SV2C: variants seen among roughly 807,000 people sequenced by gnomAD.
SV2C encodes the protein synaptic vesicle glycoprotein 2C.
In SV2C, 49 loss-of-function variants were observed where a neutral mutation model predicts 79.7. That is an observed-to-expected ratio of 0.61 (90% CI 0.49 to 0.78). SV2C has a LOEUF of 0.78. Ranked by LOEUF, SV2C falls within the 30% of genes least tolerant of loss-of-function variation. The pLI is 0.00. For missense variants in SV2C, 833 were observed against 912.9 expected (o/e 0.91, Z 1.13); for synonymous variants, 334 against 333.2 (o/e 1.00, Z -0.03).
At chr5:76,009,835 A>T in the SV2C span, among the ~76,000 whole-genome samples, 1 of 152,086 alleles carries the variant, frequency 6.6e-6, no homozygotes, top group African/African-American at 2.4e-5. Context: ...GATCATTTGT[A>T]CCCCAAACCT....
intron 1 of SV2C, among the ~76,000 whole-genome samples, chr5:76,120,820 A>G (rs1303995089): frequency 1.3e-5 from 2 of 150,700 alleles, no homozygotes; most frequent in East Asian, 1.9e-4. Context: ...TAGTGCCACA[A>G]TAAACATATG....
the SV2C span, among the ~76,000 whole-genome samples, chr5:75,865,064 T>C: frequency 1.3e-5 from 2 of 152,176 alleles, no homozygotes; most frequent in African/African-American, 4.8e-5. Flanking sequence ...GGCTGTGCCA[T>C]CTGCAGCACA....
chr5:76,181,804 GC>G lies in SV2C; in HGVS notation c.581-13114del, dbSNP rs1422612294. Among the ~76,000 whole-genome samples, 7 of 152,256 alleles carry G rather than the reference GC, an allele frequency of 4.6e-5. 1 individual carries two copies. The highest frequency in any genetic ancestry group is 4.6e-4 in the Admixed American group (7 of 15,294). ...GGGACAAACAGCCAAACAATATCAG[GC>G]TTTGATTGCTTTCCTTCCCCACGCA... On this transcript the variant is annotated intron_variant, in intron 2 of 12. Coordinates refer to ENST00000502798, the MANE Select transcript of SV2C (RefSeq NM_014979.4).
chr5:76,252,675 AT>A (rs1746151471), intron 4 of SV2C, among the ~76,000 whole-genome samples: 1 of 152,184 alleles, frequency 6.6e-6, no homozygotes, highest in South Asian at 2.1e-4. Context: ...GGTTTCGAAT[AT>A]TTTTCTTTTA....
the SV2C span, among the ~76,000 whole-genome samples, chr5:75,908,680 A>G: frequency 1.3e-5 from 2 of 152,122 alleles, no homozygotes; most frequent in African/African-American, 2.4e-5. Context: ...CCCTTCTTCC[A>G]TGGACATCTG....
At chr5:76,047,374 T>C in the SV2C span, among the ~76,000 whole-genome samples, 1 of 152,230 alleles carries the variant, frequency 6.6e-6, no homozygotes, top group African/African-American at 2.4e-5. Context: ...TTATTTTGTG[T>C]GTGGCTTATT....
chr5:76,009,669 G>A, the SV2C span, among the ~76,000 whole-genome samples: 1 of 152,120 alleles, frequency 6.6e-6, no homozygotes, highest in South Asian at 2.1e-4. Context: ...AAAACAAAAT[G>A]CCACGTGTTC....
chr5:75,897,388 C>T, the SV2C span, among the ~76,000 whole-genome samples: 1,955 of 150,778 alleles, frequency 0.013, 26 homozygotes, highest in Middle Eastern at 0.038. Flanking sequence ...AGATATGCGG[C>T]GTTATTTCTG....
chr5:75,858,101 C>G, the SV2C span, among the ~76,000 whole-genome samples: 34 of 152,178 alleles, frequency 2.2e-4, no homozygotes, highest in East Asian at 6.4e-3. Context: ...TTATTTCTTT[C>G]TCTTTGTCTG....
At position 76,158,273 on chromosome 5, in the gene SV2C, G is replaced by A. The variant is rs116263084; in HGVS notation, c.580+25943G>A. Among the ~76,000 whole-genome samples the A allele has an allele frequency of 9.3e-3, 1,417 of 151,746 alleles. 16 individuals are homozygous for A. The highest frequency in any genetic ancestry group is 0.032 in the African/African-American group (1,335 of 41,482). On this transcript the variant is annotated intron_variant, in intron 2 of 12. Transcript: ENST00000502798. ...AACAATCTTTAGTTAAAAACAAAAAGCAAGATTGAACTATATACTGTCTAC... is the reference window on the plus strand; with the variant it reads ...AACAATCTTTAGTTAAAAACAAAAAACAAGATTGAACTATATACTGTCTAC...
the SV2C span, among the ~76,000 whole-genome samples, chr5:75,972,417 C>T: frequency 2.0e-5 from 3 of 151,876 alleles, no homozygotes; most frequent in Non-Finnish European, 4.4e-5. Context: ...AACATTTTTG[C>T]AACCTACTCA....
chr5:75,975,309 C>T, the SV2C span, among the ~76,000 whole-genome samples: 1 of 152,170 alleles, frequency 6.6e-6, no homozygotes, highest in African/African-American at 2.4e-5. Flanking sequence ...GATGAAGCAA[C>T]TGTCACTCTT....
chr5:76,138,694 C>T (rs1472016133), intron 2 of SV2C, among the ~76,000 whole-genome samples: 1 of 152,174 alleles, frequency 6.6e-6, no homozygotes, highest in African/African-American at 2.4e-5. Context: ...CTACTGTATC[C>T]TCCTGCCCAG....
At chr5:76,100,556 TTCAA>T (rs1481409651) in intron 1 of SV2C, among the ~76,000 whole-genome samples, 1 of 152,142 alleles carries the variant, frequency 6.6e-6, no homozygotes, top group African/African-American at 2.4e-5. Flanking sequence ...AAATAGAAAT[TTCAA>T]TCAATCAACA....
At chr5:75,931,290 G>A in the SV2C span, among the ~76,000 whole-genome samples, 2,414 of 152,220 alleles carry the variant, frequency 0.016, 60 homozygotes, top group African/African-American at 0.055. Context: ...GAAATGCTCC[G>A]GAGAAGAAAG....
chr5:76,078,129 G>T, the SV2C span, among the ~76,000 whole-genome samples: 2 of 152,150 alleles, frequency 1.3e-5, no homozygotes. Flanking sequence ...TAGGTTTCAG[G>T]GAGGAGGGAT....
chr5:76,182,735 C>T (rs1419040902), intron 2 of SV2C, among the ~76,000 whole-genome samples: 1 of 152,110 alleles, frequency 6.6e-6, no homozygotes, highest in African/African-American at 2.4e-5. Context: ...TTGGCTATTC[C>T]TGCATTGCTA....
chr5:75,884,357 C>G, the SV2C span, among the ~76,000 whole-genome samples: 1 of 152,148 alleles, frequency 6.6e-6, no homozygotes, highest in East Asian at 1.9e-4. Flanking sequence ...TGATATCAAA[C>G]TGTGCATAAT....
intron 4 of SV2C, among the ~76,000 whole-genome samples, chr5:76,219,131 A>G (rs1162277434): frequency 6.6e-6 from 1 of 152,146 alleles, no homozygotes; most frequent in Non-Finnish European, 1.5e-5. Context: ...CAGGCAGGTG[A>G]CAGGTGGCCC....
Sources: gnomAD v4.1 joint callset for allele counts (sites outside exome capture counted in the v4.1 genomes callset) on GRCh38, gnomAD v4.1.1 for gene constraint, MANE v1.5 for transcripts, NCBI Gene and HGNC (gene_info 2026-07-23, HGNC 2026-07-21) for gene names.